The following PBX3 variants were observed in gnomAD, a reference collection of about 807,000 sequenced individuals.
PBX3 encodes the protein pre-B-cell leukemia transcription factor 3.
Under a neutral mutation model 48.5 loss-of-function variants are expected in PBX3, and 14 were observed. The observed-to-expected ratio is 0.29, with a 90% confidence interval of 0.19 to 0.45. The LOEUF (loss-of-function observed/expected upper bound fraction) is 0.45, where lower values mean the gene tolerates loss of function less well. PBX3 is among the 20% of genes least tolerant of loss of function. The probability of loss-of-function intolerance (pLI) is 1.00; values close to 1 mark genes in which losing one functional copy is unlikely to be tolerated. For missense variants in PBX3, 386 were observed against 546.7 expected, an observed-to-expected ratio of 0.71 and a Z score of 2.93; for synonymous variants, 210 against 200.3, an observed-to-expected ratio of 1.05 and a Z score of -0.41.
At chr9:125,821,767 A>C (rs928900185) in intron 2 of PBX3, among the ~76,000 whole-genome samples, 1 of 152,138 alleles carries the variant, frequency 6.6e-6, no homozygotes, top group Non-Finnish European at 1.5e-5. Flanking sequence ...TCTGTCCACT[A>C]TATAGTTTTA....
At chr9:125,870,997 A>C (rs1840108171) in intron 2 of PBX3, among the ~76,000 whole-genome samples, 1 of 152,218 alleles carries the variant, frequency 6.6e-6, no homozygotes, top group South Asian at 2.1e-4. Context: ...TACATACCCT[A>C]CCAATCTAGC....
In PBX3 at chr9:125,965,996, C is replaced by T. The variant is rs967379680; in HGVS notation, c.*73C>T. 7.9e-5 allele frequency: 88 copies of T among 1,108,366 alleles called. No homozygotes were observed. The highest frequency in any genetic ancestry group is 9.9e-5 in the Non-Finnish European group (73 of 734,592). 68.7% of individuals were successfully genotyped at this position (1,108,366 alleles called of 1,614,324 possible). On this transcript the variant is annotated 3_prime_UTR_variant, in exon 9 of 9. Transcript: ENST00000373489. ...CAGAGCAATAGGAGGAAAAGGAAAG[C>T]GTTTTTGTAGCCCACCATCTACAGC...
chr9:125,821,171 A>G (rs1003267020), intron 2 of PBX3, among the ~76,000 whole-genome samples: 9 of 152,132 alleles, frequency 5.9e-5, no homozygotes, highest in African/African-American at 2.2e-4. Context: ...CCAATAAATG[A>G]TAACTTTTTA....
At chr9:125,762,005 T>G (rs1836681171) in intron 2 of PBX3, among the ~76,000 whole-genome samples, 1 of 152,222 alleles carries the variant, frequency 6.6e-6, no homozygotes, top group Non-Finnish European at 1.5e-5. Flanking sequence ...GTGAACAACC[T>G]TCAGTATAGG....
At chr9:125,953,142 A>T (rs1842227667) in intron 5 of PBX3, among the ~76,000 whole-genome samples, 1 of 152,108 alleles carries the variant, frequency 6.6e-6, no homozygotes, top group African/African-American at 2.4e-5. Context: ...TTATACAAAG[A>T]TGTGCTATAA....
intron 2 of PBX3, among the ~76,000 whole-genome samples, chr9:125,812,071 G>T (rs1838305980): frequency 6.6e-6 from 1 of 152,196 alleles, no homozygotes; most frequent in Non-Finnish European, 1.5e-5. Context: ...CATTTATGAA[G>T]TAGATTGAGC....
intron 3 of PBX3, among the ~76,000 whole-genome samples, chr9:125,924,620 G>A (rs1217268408): frequency 6.6e-6 from 1 of 152,092 alleles, no homozygotes; most frequent in African/African-American, 2.4e-5. Context: ...AACATCATGC[G>A]TTGATAATTT....
chr9:125,928,711 C>A (rs780809320), intron 3 of PBX3, among the ~76,000 whole-genome samples: 10 of 152,002 alleles, frequency 6.6e-5, no homozygotes, highest in Non-Finnish European at 1.2e-4. Context: ...GTGATCCACC[C>A]GCCTCAGCCT....
chr9:125,915,582 A>G, intron 2 of PBX3, 104 bp from the exon 3 acceptor site: 1 of 774,842 alleles, frequency 1.3e-6, no homozygotes, highest in African/African-American at 1.7e-5. Context: ...ATTGTAGTAC[A>G]CTGATGTTGT....
rs1388632675 is a variant in PBX3, at chr9:125,780,433, C to G, written c.274+31810C>G. On this transcript the variant is annotated intron_variant, in intron 2 of 8. Transcript: ENST00000373489. ...GGGGGCTGACCCCCCCCCCACCTCC[C>G]TCCCAGACGGGGCGGCTGGCCGGGC... 2.1e-3 allele frequency among the ~76,000 whole-genome samples: 290 copies of G among 136,110 alleles called. 5 individuals carry two copies. The highest frequency in any genetic ancestry group is 3.4e-3 in the Non-Finnish European group (213 of 61,918). 89.3% of individuals were successfully genotyped at this position (136,110 alleles called of 152,430 possible).
chr9:125,786,065 CT>C (rs2132049409), intron 2 of PBX3, among the ~76,000 whole-genome samples: 1 of 151,800 alleles, frequency 6.6e-6, no homozygotes, highest in East Asian at 1.9e-4. Context: ...TGTGGAAGAA[CT>C]GGCCCTTGGT....
chr9:125,811,642 C>G (rs143991247), intron 2 of PBX3, among the ~76,000 whole-genome samples: 1 of 152,090 alleles, frequency 6.6e-6, no homozygotes, highest in Non-Finnish European at 1.5e-5. Context: ...TACCCAGTCT[C>G]GGGTATTTCT....
chr9:125,927,505 C>T (rs1345687033), intron 3 of PBX3, among the ~76,000 whole-genome samples: 2 of 152,140 alleles, frequency 1.3e-5, no homozygotes, highest in African/African-American at 4.8e-5. Context: ...TTTGGGATAT[C>T]TCTAGGGAAG....
intron 5 of PBX3, among the ~76,000 whole-genome samples, chr9:125,943,524 CTCT>C (rs993930697): frequency 3.3e-5 from 5 of 151,842 alleles, no homozygotes; most frequent in Admixed American, 6.6e-5. Context: ...CCTATTCCTT[CTCT>C]TCTTCTTTCC....
chr9:125,870,549 A>C (rs1840096875), intron 2 of PBX3, among the ~76,000 whole-genome samples: 1 of 152,224 alleles, frequency 6.6e-6, no homozygotes, highest in South Asian at 2.1e-4. Flanking sequence ...AGAGCAGCTC[A>C]GGAAACACCC....
intron 4 of PBX3, among the ~76,000 whole-genome samples, chr9:125,934,460 A>G (rs1454512123): frequency 6.6e-6 from 1 of 152,232 alleles, no homozygotes; most frequent in Non-Finnish European, 1.5e-5. Flanking sequence ...ATTCTGACAA[A>G]TGATAATTTT....
intron 2 of PBX3, among the ~76,000 whole-genome samples, chr9:125,840,963 A>T (rs1839273430): frequency 6.6e-6 from 1 of 152,182 alleles, no homozygotes; most frequent in South Asian, 2.1e-4. Context: ...CAGCTGTTTG[A>T]TTTCTATTAG....
chr9:125,828,907 A>G (rs775172636), intron 2 of PBX3, among the ~76,000 whole-genome samples: 1 of 152,234 alleles, frequency 6.6e-6, no homozygotes, highest in Non-Finnish European at 1.5e-5. Flanking sequence ...TAAACAGAAC[A>G]CATGCTTCTG....
chr9:125,942,126 A>T (rs1841970223), intron 5 of PBX3, among the ~76,000 whole-genome samples: 1 of 152,258 alleles, frequency 6.6e-6, no homozygotes, highest in Non-Finnish European at 1.5e-5. Flanking sequence ...ACCCATACAG[A>T]TGAGGAAACT....
Sources: allele counts gnomAD v4.1 joint callset (sites outside exome capture counted in the v4.1 genomes callset), GRCh38; gene constraint gnomAD v4.1.1; transcripts MANE v1.5; gene names NCBI Gene and HGNC (gene_info 2026-07-23, HGNC 2026-07-21).